The following ACSM6 variants were observed in gnomAD, a reference collection of about 807,000 sequenced individuals.
ACSM6 encodes acyl-CoA synthetase medium chain family member 6.
Under a neutral mutation model 51.1 loss-of-function variants are expected in ACSM6, and 35 were observed. The ratio of observed to expected loss-of-function variants is 0.69; its 90% CI spans 0.52 to 0.91. ACSM6 has a LOEUF of 0.91. Ranked by LOEUF, ACSM6 falls within the 40% of genes least tolerant of loss-of-function variation. ACSM6 has a pLI of 0.00. For missense variants in ACSM6, 509 were observed against 584.1 expected, an observed-to-expected ratio of 0.87 and a Z score of 1.32; for synonymous variants, 172 against 207.3, an observed-to-expected ratio of 0.83 and a Z score of 1.46.
intron 5 of ACSM6, among the ~76,000 whole-genome samples, chr10:95,211,408 TTG>T (rs1237362079): frequency 6.6e-6 from 1 of 152,212 alleles, no homozygotes; most frequent in Non-Finnish European, 1.5e-5. Flanking sequence ...AGACAAATGG[TTG>T]TGTGTTGTTA....
chr10:95,211,225 T>G (rs1360894553), intron 5 of ACSM6, among the ~76,000 whole-genome samples: 1 of 152,240 alleles, frequency 6.6e-6, no homozygotes, highest in African/African-American at 2.4e-5. Context: ...ACACCACCCC[T>G]TTTTTAAGAA....
At position 95,222,870 on chromosome 10, in the gene ACSM6, G is replaced by C. The variant is rs539768638; in HGVS notation, c.1201-2420G>C. On this transcript the variant is annotated intron_variant, in intron 9 of 10. Transcript: ENST00000341686. The stretch of plus-strand genomic sequence containing the variant: ...ATTACCAAAATAATAATAATAATAA[G>C]AGGGTGGGAGGAAACTTTTGAAGGT... Among the ~76,000 whole-genome samples, 418 of 142,762 alleles carry C rather than the reference G, an allele frequency of 2.9e-3. 3 individuals are homozygous for C. Among genetic ancestry groups the C allele is most frequent in the African/African-American group, 0.012 (398 of 32,752 alleles). The allele number at this position is 142,762 out of a possible 152,430, so 93.7% of individuals were successfully genotyped here. A position where few individuals can be genotyped will look rare whatever the true frequency, so the allele number is the denominator to read the frequency against.
At chr10:95,219,360 T>C (rs905535735) in intron 8 of ACSM6, among the ~76,000 whole-genome samples, 1 of 150,886 alleles carries the variant, frequency 6.6e-6, no homozygotes, top group African/African-American at 2.5e-5. Flanking sequence ...TAAATAGCTT[T>C]AGTATATTTA....
At chr10:95,203,820 G>A (rs1328773958) in intron 3 of ACSM6, among the ~76,000 whole-genome samples, 2 of 148,924 alleles carry the variant, frequency 1.3e-5, no homozygotes, top group Admixed American at 1.4e-4. Context: ...GCCACAACTG[G>A]CCTACTGCCT....
At chr10:95,209,539 G>A (rs569132821) in intron 4 of ACSM6, among the ~76,000 whole-genome samples, 6 of 152,262 alleles carry the variant, frequency 3.9e-5, no homozygotes, top group African/African-American at 1.4e-4. Context: ...ATGAGAGGCC[G>A]TGCCGGTGTG....
At chr10:95,195,868 A>G (rs1275100526) in intron 2 of ACSM6, among the ~76,000 whole-genome samples, 1 of 152,154 alleles carries the variant, frequency 6.6e-6, no homozygotes, top group Non-Finnish European at 1.5e-5. Flanking sequence ...ATTTTTACCC[A>G]TTTGGGCCAA....
At chr10:95,219,158 C>A (rs1236204156) in intron 8 of ACSM6, among the ~76,000 whole-genome samples, 1 of 152,180 alleles carries the variant, frequency 6.6e-6, no homozygotes, top group East Asian at 1.9e-4. Context: ...GGGTGCCCTG[C>A]ATGTATGCTG....
At chr10:95,216,804 T>G (rs2133387443) in intron 8 of ACSM6, among the ~76,000 whole-genome samples, 1 of 152,240 alleles carries the variant, frequency 6.6e-6, no homozygotes, top group East Asian at 1.9e-4. Flanking sequence ...AAAGAGGATA[T>G]AGATGTGGAT....
chr10:95,207,310 C>G, exon 4 of ACSM6: 4 of 1,614,090 alleles, frequency 2.5e-6, no homozygotes, highest in Non-Finnish European at 3.4e-6. Flanking sequence ...GAAGCTATGG[C>G]CCCAGTTGTA....
At chr10:95,200,428 C>T (rs1294035705) in intron 2 of ACSM6, among the ~76,000 whole-genome samples, 3 of 151,652 alleles carry the variant, frequency 2.0e-5, no homozygotes, top group African/African-American at 7.3e-5. Context: ...CGCACACCAA[C>T]ATGGCACATG....
intron 4 of ACSM6, among the ~76,000 whole-genome samples, chr10:95,209,133 T>G (rs1303726625): frequency 6.6e-6 from 1 of 152,106 alleles, no homozygotes; most frequent in Non-Finnish European, 1.5e-5. Context: ...GGAATGATTT[T>G]AGATTTGGTG....
intron 3 of ACSM6, among the ~76,000 whole-genome samples, 168 bp downstream of exon 3, chr10:95,202,363 C>G (rs983923655): frequency 6.6e-5 from 10 of 152,230 alleles, no homozygotes; most frequent in African/African-American, 2.2e-4. Flanking sequence ...CCACCACTTA[C>G]CACCTCTGTA....
At chr10:95,205,340 C>T (rs947213928) in intron 3 of ACSM6, among the ~76,000 whole-genome samples, 1 of 152,196 alleles carries the variant, frequency 6.6e-6, no homozygotes, top group South Asian at 2.1e-4. Flanking sequence ...TCTCACAACT[C>T]TGGAGGCTGG....
At chr10:95,200,686 G>A (rs1475231222) in intron 2 of ACSM6, among the ~76,000 whole-genome samples, 1 of 151,726 alleles carries the variant, frequency 6.6e-6, no homozygotes, top group Non-Finnish European at 1.5e-5. Context: ...GGGTGGATGA[G>A]AAAAAGAGAA....
At chr10:95,205,716 T>C (rs2034832885) in intron 3 of ACSM6, among the ~76,000 whole-genome samples, 1 of 152,178 alleles carries the variant, frequency 6.6e-6, no homozygotes, top group Non-Finnish European at 1.5e-5. Context: ...GGAAAATAAA[T>C]TAACATTACT....
At chr10:95,209,383 A>C (rs2034872830) in intron 4 of ACSM6, among the ~76,000 whole-genome samples, 1 of 152,142 alleles carries the variant, frequency 6.6e-6, no homozygotes, top group South Asian at 2.1e-4. Flanking sequence ...CAGGTCTTGG[A>C]GGTCATGTAG....
At chr10:95,200,452 C>T (rs1218908541) in intron 2 of ACSM6, among the ~76,000 whole-genome samples, 2 of 150,646 alleles carry the variant, frequency 1.3e-5, no homozygotes, top group Non-Finnish European at 2.9e-5. Flanking sequence ...ACACATGTAA[C>T]AAACCTGCAC....
chr10:95,217,279 C>T (rs1256209359), intron 8 of ACSM6, among the ~76,000 whole-genome samples: 2 of 147,394 alleles, frequency 1.4e-5, no homozygotes, highest in East Asian at 3.9e-4. Context: ...ATCTGGGAGG[C>T]GGAGGTTGCA....
chr10:95,217,939 G>T (rs1416399385), intron 8 of ACSM6, among the ~76,000 whole-genome samples: 1 of 152,226 alleles, frequency 6.6e-6, no homozygotes, highest in Non-Finnish European at 1.5e-5. Context: ...ATCAAATTCT[G>T]TCTCAGATTC....
Sources: gnomAD v4.1 joint callset for allele counts (sites outside exome capture counted in the v4.1 genomes callset) on GRCh38, gnomAD v4.1.1 for gene constraint, MANE v1.5 for transcripts, NCBI Gene and HGNC (gene_info 2026-07-23, HGNC 2026-07-21) for gene names.